Variants in ASIC2 observed in about 807,000 individuals in gnomAD.
ASIC2 encodes the protein acid-sensing ion channel 2.
In ASIC2, 25 loss-of-function variants were observed where a neutral mutation model predicts 57.3. The observed-to-expected ratio is 0.44, with a 90% CI of 0.32 to 0.61. ASIC2 has a LOEUF of 0.61. ASIC2 is among the 20% of genes least tolerant of loss of function. ASIC2 has a pLI of 0.06. For synonymous variants in ASIC2, 319 were observed against 307.5 expected (o/e 1.04, Z -0.39); for missense variants, 641 against 738.1 (o/e 0.87, Z 1.52).
chr17:33,465,855 A>T (rs1056551194), intron 1 of ASIC2, among the ~76,000 whole-genome samples: 4 of 152,072 alleles, frequency 2.6e-5, no homozygotes, highest in African/African-American at 9.7e-5. Context: ...TTATGTGGAG[A>T]TGTGTAGAAA....
At chr17:33,509,721 G>T (rs1005614863) in intron 1 of ASIC2, among the ~76,000 whole-genome samples, 2 of 152,214 alleles carry the variant, frequency 1.3e-5, no homozygotes, top group African/African-American at 4.8e-5. Context: ...AATTTGGATT[G>T]TTGGATATGC....
rs1406194512 is a variant in ASIC2, at chr17:33,704,342, G to C, written c.555+451636C>G. Among the ~76,000 whole-genome samples the C allele has an allele frequency of 2.0e-5, 3 of 152,134 alleles. No individual in the cohort carries two copies. The East Asian group carries it at 5.8e-4, about 29-fold the overall frequency. On this transcript the variant is annotated intron_variant, in intron 1 of 9. Coordinates refer to the ASIC2 transcript ENST00000359872. Reference sequence around the variant, plus strand: ...TATAGCTACTGCACGTGTGCACTCAGAGAGCCATCCAGAATATGCTTACCT... The same window carrying C: ...TATAGCTACTGCACGTGTGCACTCACAGAGCCATCCAGAATATGCTTACCT...
intron 2 of ASIC2, among the ~76,000 whole-genome samples, chr17:33,103,367 G>A (rs1435062833): frequency 6.6e-6 from 1 of 152,092 alleles, no homozygotes; most frequent in Non-Finnish European, 1.5e-5. Flanking sequence ...CATTTTAGAG[G>A]TAACACAGGT....
intron 1 of ASIC2, among the ~76,000 whole-genome samples, chr17:34,143,572 T>G (rs1912330790): frequency 1.3e-5 from 2 of 152,246 alleles, no homozygotes; most frequent in South Asian, 4.1e-4. Context: ...TCTGCCATGT[T>G]TTGATGCAGC....
chr17:33,662,648 T>TAAAG (rs910383687), intron 1 of ASIC2, among the ~76,000 whole-genome samples: 1 of 141,424 alleles, frequency 7.1e-6, no homozygotes, highest in East Asian at 2.3e-4. Flanking sequence ...AATAAATAAA[T>TAAAG]AAATAAATAA....
intron 1 of ASIC2, among the ~76,000 whole-genome samples, chr17:34,031,113 A>T (rs1385084719): frequency 6.6e-6 from 1 of 152,184 alleles, no homozygotes; most frequent in South Asian, 2.1e-4. Flanking sequence ...GGCACCCCCC[A>T]GTAGGGGCAG....
In ASIC2 at chr17:33,292,927, G is replaced by C. The variant is rs1597669863; in HGVS notation, c.-812C>G. 3.0e-6 allele frequency: 3 copies of C among 985,550 alleles called. No individual in the cohort carries two copies. The East Asian group carries it at 3.4e-4, about 112-fold the overall frequency. 61.1% of individuals were successfully genotyped at this position (985,550 alleles called of 1,614,324 possible). On this transcript the variant is annotated 5_prime_UTR_variant, in exon 1 of 10. Transcript: ENST00000225823. Reference sequence around the variant, plus strand: ...GTCCTGCGGGAGGCTGTTCGCCGCCGGGGTCCTTCAAGGATGCTAGCCGCA... The same window carrying C: ...GTCCTGCGGGAGGCTGTTCGCCGCCCGGGTCCTTCAAGGATGCTAGCCGCA...
chr17:33,135,633 C>T (rs930281928), intron 1 of ASIC2, among the ~76,000 whole-genome samples: 23 of 152,172 alleles, frequency 1.5e-4, no homozygotes, highest in Admixed American at 6.5e-5. Flanking sequence ...AGGAGACAGG[C>T]TCCGACACTG....
intron 1 of ASIC2, among the ~76,000 whole-genome samples, chr17:34,024,109 A>T (rs1165847056): frequency 2.0e-5 from 3 of 152,174 alleles, no homozygotes; most frequent in Non-Finnish European, 4.4e-5. Flanking sequence ...AAAGGGCTTT[A>T]TAGAGGGGCT....
At chr17:33,173,753 G>A (rs891398836) in intron 1 of ASIC2, among the ~76,000 whole-genome samples, 13 of 152,172 alleles carry the variant, frequency 8.5e-5, no homozygotes, top group Non-Finnish European at 1.0e-4. Context: ...TTGGTAAAAG[G>A]CAGAAGAAAC....
At chr17:33,568,258 T>C (rs1916310693) in intron 1 of ASIC2, among the ~76,000 whole-genome samples, 1 of 152,208 alleles carries the variant, frequency 6.6e-6, no homozygotes, top group African/African-American at 2.4e-5. Flanking sequence ...CTGGGTTATG[T>C]CAAATTGACC....
At chr17:34,069,177 CCCCTCCCTCCCTTCCCTTCCCT>C (rs948974239) in intron 1 of ASIC2, 5 of 139,008 alleles carry the variant, frequency 3.6e-5, no homozygotes, top group African/African-American at 1.3e-4. Context: ...ATTTATTTCT[CCCCTCCCTCCCTTCCCTTCCCT>C]CCCTCCCTCC....
Position 33,013,812 on chromosome 17 carries a change from A to C in ASIC2, c.*153T>G. On this transcript the variant is annotated 3_prime_UTR_variant, in exon 10 of 10. Coordinates refer to ENST00000225823, the MANE Select transcript of ASIC2 (RefSeq NM_183377.2). ...GATGCGTCGTGTTGGACGTGGCCGG[A>C]GCGAGGTCTAGGCAGCTAGTCTGCA... 1.5e-6 allele frequency: 1 copy of C among 680,958 alleles called. No individual in the cohort carries two copies. Among genetic ancestry groups the C allele is most frequent in the South Asian group, 1.8e-5 (1 of 54,772 alleles). 42.2% of individuals were successfully genotyped at this position (680,958 alleles called of 1,614,324 possible).
chr17:34,095,728 T>G (rs577266096), intron 1 of ASIC2, among the ~76,000 whole-genome samples: 55 of 142,740 alleles, frequency 3.9e-4, no homozygotes, highest in Non-Finnish European at 5.0e-4. Context: ...TATAGAGAGA[T>G]ATATATATAA....
intron 1 of ASIC2, among the ~76,000 whole-genome samples, chr17:33,456,818 T>C (rs1961514380): frequency 6.6e-6 from 1 of 152,242 alleles, no homozygotes; most frequent in African/African-American, 2.4e-5. Flanking sequence ...AGCCTTAGCA[T>C]TGATTGACTT....
chr17:33,962,801 A>C lies in ASIC2; in HGVS notation c.555+193177T>G, dbSNP rs182625662. On this transcript the variant is annotated intron_variant, in intron 1 of 9. Transcript: ENST00000359872. ...GGCACAGATGGGGGCCAAAGAGGAA[A>C]AAACCATTTTTAGTAAAAAATGACT... is the stretch of plus-strand genomic sequence containing the variant. Among the ~76,000 whole-genome samples, 7 of 152,330 alleles carry C rather than the reference A, an allele frequency of 4.6e-5. No individual in the cohort carries two copies. In the East Asian group the frequency reaches 1.4e-3, roughly 29 times the overall value.
intron 1 of ASIC2, among the ~76,000 whole-genome samples, chr17:33,789,160 C>G (rs992082030): frequency 6.6e-6 from 1 of 152,152 alleles, no homozygotes; most frequent in Non-Finnish European, 1.5e-5. Flanking sequence ...CAAACTGATG[C>G]CAGCATCATG....
intron 1 of ASIC2, among the ~76,000 whole-genome samples, chr17:33,820,239 C>A (rs959321490): frequency 6.6e-6 from 1 of 152,146 alleles, no homozygotes; most frequent in African/African-American, 2.4e-5. Context: ...GATATGTGAA[C>A]CTCCCTTTTC....
chr17:33,277,168 G>A (rs1363663653), intron 1 of ASIC2, among the ~76,000 whole-genome samples: 1 of 152,176 alleles, frequency 6.6e-6, no homozygotes, highest in East Asian at 1.9e-4. Flanking sequence ...GTGGCACTGT[G>A]GGCCCTCCAA....
Sources: gnomAD v4.1 joint callset for allele counts (sites outside exome capture counted in the v4.1 genomes callset) on GRCh38, gnomAD v4.1.1 for gene constraint, MANE v1.5 for transcripts, NCBI Gene and HGNC (gene_info 2026-07-23, HGNC 2026-07-21) for gene names.